Variants in CREB5 observed in about 807,000 individuals in gnomAD.
CREB5 encodes cAMP responsive element binding protein 5.
A neutral mutation model predicts 57.1 loss-of-function variants in CREB5; 19 were observed. The observed-to-expected ratio is 0.33, with a 90% CI of 0.23 to 0.49. CREB5 has a LOEUF of 0.49. Ranked by LOEUF, CREB5 falls within the 20% of genes least tolerant of loss-of-function variation. The pLI is 0.99. For missense variants in CREB5, 579 were observed against 671.6 expected, an observed-to-expected ratio of 0.86 and a Z score of 1.52; for synonymous variants, 238 against 238.3, an observed-to-expected ratio of 1.00 and a Z score of 0.01.
chr7:28,560,369 A>T (rs922259807), intron 4 of CREB5, among the ~76,000 whole-genome samples: 6 of 152,146 alleles, frequency 3.9e-5, no homozygotes, highest in Non-Finnish European at 7.4e-5. Flanking sequence ...GGCTGGAAAT[A>T]TAGGGTCTTG....
chr7:28,607,269 A>G (rs968619958), intron 5 of CREB5, among the ~76,000 whole-genome samples: 2 of 152,188 alleles, frequency 1.3e-5, no homozygotes, highest in Non-Finnish European at 2.9e-5. Context: ...GAGCTTGTGG[A>G]TAAAACTAAC....
At chr7:28,515,332 T>G (rs1276320399) in intron 4 of CREB5, among the ~76,000 whole-genome samples, 1 of 152,208 alleles carries the variant, frequency 6.6e-6, no homozygotes, top group African/African-American at 2.4e-5. Context: ...GTCTTTTGGA[T>G]GTATCCACTC....
Position 28,527,102 on chromosome 7 carries a change from T to C in CREB5, c.291+19365T>C, listed in dbSNP as rs564988603. Among the ~76,000 whole-genome samples the C allele has an allele frequency of 3.9e-5, 6 of 152,282 alleles. 1 individual carries two copies. The South Asian group carries it at 1.0e-3, about 26-fold the overall frequency. ...GAGCTGAGACATGACATACACCCTT[T>C]AGTGAAAACCTGGTTAGTTGCAGTG... On this transcript the variant is annotated intron_variant, in intron 4 of 10. Coordinates refer to ENST00000357727, the MANE Select transcript of CREB5 (RefSeq NM_182898.4).
chr7:28,641,776 C>G (rs1409257681), intron 5 of CREB5, among the ~76,000 whole-genome samples: 1 of 152,158 alleles, frequency 6.6e-6, no homozygotes. Flanking sequence ...GATAAAATAC[C>G]CTAAATCCTC....
chr7:28,328,342 T>C (rs1332071026), intron 1 of CREB5, among the ~76,000 whole-genome samples: 2 of 152,164 alleles, frequency 1.3e-5, no homozygotes, highest in African/African-American at 4.8e-5. Flanking sequence ...TGAGACAGAT[T>C]CCCACACAAA....
chr7:28,616,359 C>T (rs757839897), intron 5 of CREB5, among the ~76,000 whole-genome samples: 6 of 152,240 alleles, frequency 3.9e-5, no homozygotes, highest in Admixed American at 3.3e-4. Context: ...AGCTGGAGTA[C>T]TTCTATGAAG....
At chr7:28,398,241 T>C (rs1274540879) in intron 1 of CREB5, among the ~76,000 whole-genome samples, 2 of 152,190 alleles carry the variant, frequency 1.3e-5, no homozygotes, top group Non-Finnish European at 2.9e-5. Flanking sequence ...TTCCAGGTTT[T>C]AGTGTTTGCT....
chr7:28,786,831 C>T (rs1311492438), intron 7 of CREB5, among the ~76,000 whole-genome samples: 1 of 152,196 alleles, frequency 6.6e-6, no homozygotes, highest in East Asian at 1.9e-4. Flanking sequence ...CTTCTCCCAC[C>T]CCACCAGCCA....
At chr7:28,347,468 AAGTG>A (rs1220568792) in intron 1 of CREB5, among the ~76,000 whole-genome samples, 1 of 152,202 alleles carries the variant, frequency 6.6e-6, no homozygotes, top group Non-Finnish European at 1.5e-5. Context: ...TTAAAAAATG[AAGTG>A]AGTAAGCAGA....
chr7:28,670,092 G>C (rs933066660), intron 5 of CREB5, among the ~76,000 whole-genome samples: 6 of 152,078 alleles, frequency 3.9e-5, no homozygotes, highest in Non-Finnish European at 2.9e-5. Context: ...CTGTCTACAG[G>C]GGACACTTTT....
chr7:28,778,246 T>G (rs1233969057), intron 7 of CREB5, among the ~76,000 whole-genome samples: 1 of 152,224 alleles, frequency 6.6e-6, no homozygotes, highest in African/African-American at 2.4e-5. Context: ...AATTTACTAT[T>G]CGATTAGTAA....
chr7:28,305,717 T>C (rs1444613528), intron 1 of CREB5, among the ~76,000 whole-genome samples: 1 of 146,976 alleles, frequency 6.8e-6, no homozygotes, highest in African/African-American at 2.6e-5. Context: ...GTTTTTCTTT[T>C]CTTTTTTTTT....
Position 28,306,541 on chromosome 7 carries a change from G to GTTTTTTTTTTTTTTTT in CREB5, c.-25+7104_-25+7105insTTTTTTTTTTTTTTTT, listed in dbSNP as rs199561235. 2.5e-4 allele frequency among the ~76,000 whole-genome samples: 11 copies of GTTTTTTTTTTTTTTTT among 44,450 alleles called. 1 individual carries two copies. Among genetic ancestry groups the GTTTTTTTTTTTTTTTT allele is most frequent in the African/African-American group, 7.0e-4 (9 of 12,946 alleles). The allele number at this position is 44,450 out of a possible 152,430, so 29.2% of individuals were successfully genotyped here. A position where few individuals can be genotyped will look rare whatever the true frequency, so the allele number is the denominator to read the frequency against. On this transcript the variant is annotated intron_variant, in intron 1 of 9. Transcript: ENST00000396299. Reference sequence around the variant, plus strand: ...ACTGGTGCCAGTACATACAGATACAGTTTTGTTTTTTTTGTTTTTTTTTTT... The same window carrying GTTTTTTTTTTTTTTTT: ...ACTGGTGCCAGTACATACAGATACAGTTTTTTTTTTTTTTTTTTTTGTTTTTTTTGTTTTTTTTTTT...
At chr7:28,560,805 TGCGC>T (rs67632538) in intron 4 of CREB5, among the ~76,000 whole-genome samples, 2 of 54,830 alleles carry the variant, frequency 3.6e-5, no homozygotes, top group African/African-American at 5.7e-5. Flanking sequence ...ACAGTGTGTG[TGCGC>T]GTGTGTGTGT....
intron 5 of CREB5, among the ~76,000 whole-genome samples, chr7:28,698,808 C>A (rs1407356943): frequency 6.6e-6 from 1 of 152,200 alleles, no homozygotes; most frequent in Non-Finnish European, 1.5e-5. Flanking sequence ...GTTATAATTT[C>A]TCCACACCTC....
chr7:28,776,371 C>T (rs987557290), intron 7 of CREB5, among the ~76,000 whole-genome samples: 2 of 150,942 alleles, frequency 1.3e-5, no homozygotes, highest in African/African-American at 4.9e-5. Context: ...GAAAGTTAAG[C>T]GTGCTATTTT....
intron 5 of CREB5, among the ~76,000 whole-genome samples, chr7:28,646,406 C>G (rs1198506998): frequency 1.3e-5 from 2 of 152,158 alleles, no homozygotes; most frequent in Non-Finnish European, 2.9e-5. Context: ...TCACATCTTT[C>G]TCTAAAGGCC....
At chr7:28,736,877 C>G in intron 7 of CREB5, among the ~76,000 whole-genome samples, 1 of 132,566 alleles carries the variant, frequency 7.5e-6, no homozygotes, top group Non-Finnish European at 1.6e-5. Context: ...GTGGGTTTTT[C>G]CTGGCCATGT....
intron 7 of CREB5, among the ~76,000 whole-genome samples, chr7:28,779,805 G>T (rs1328038429): frequency 6.6e-6 from 1 of 152,074 alleles, no homozygotes; most frequent in African/African-American, 2.4e-5. Flanking sequence ...TTATGTGATT[G>T]CAATCACATA....
Sources: gnomAD v4.1 joint callset for allele counts (sites outside exome capture counted in the v4.1 genomes callset) on GRCh38, gnomAD v4.1.1 for gene constraint, MANE v1.5 for transcripts, NCBI Gene and HGNC (gene_info 2026-07-23, HGNC 2026-07-21) for gene names.